SPATA17: variants seen among roughly 807,000 people sequenced by gnomAD.
SPATA17 encodes spermatogenesis-associated protein 17.
Under a neutral mutation model 62.2 loss-of-function variants are expected in SPATA17, and 53 were observed. The ratio of observed to expected loss-of-function variants is 0.85; its 90% confidence interval spans 0.68 to 1.07. The LOEUF (loss-of-function observed/expected upper bound fraction) is 1.07, where lower values mean the gene tolerates loss of function less well. SPATA17 is among the 50% of genes least tolerant of loss of function. The pLI, the probability that SPATA17 is intolerant of heterozygous loss-of-function variation, is 0.00. For synonymous variants in SPATA17, 146 were observed against 146.8 expected, an observed-to-expected ratio of 0.99 and a Z score of 0.04; for missense variants, 466 against 425.5, an observed-to-expected ratio of 1.10 and a Z score of -0.84.
At chr1:217,683,735 C>T (rs112316968) in intron 5 of SPATA17, among the ~76,000 whole-genome samples, 9 of 151,930 alleles carry the variant, frequency 5.9e-5, no homozygotes, top group African/African-American at 2.2e-4. Flanking sequence ...CCACTGCACC[C>T]GGCTAAAAAT....
chr1:217,830,843 A>G (rs1001538722), intron 9 of SPATA17, among the ~76,000 whole-genome samples: 3 of 152,194 alleles, frequency 2.0e-5, no homozygotes, highest in African/African-American at 7.2e-5. Context: ...ATCTGTTTAC[A>G]AGTTAAAAGG....
intron 6 of SPATA17, among the ~76,000 whole-genome samples, chr1:217,765,108 T>C (rs1284187798): frequency 6.6e-6 from 1 of 152,062 alleles, no homozygotes; most frequent in Non-Finnish European, 1.5e-5. Flanking sequence ...ATGAGATCTG[T>C]AGTAATGTCT....
intron 6 of SPATA17, among the ~76,000 whole-genome samples, chr1:217,744,591 C>T (rs114519427): frequency 0.011 from 1,638 of 151,930 alleles, 23 homozygotes; most frequent in African/African-American, 0.038. Context: ...TACAAGCTGT[C>T]AATGCATTTT....
chr1:217,817,957 C>G (rs1044512829), intron 9 of SPATA17, among the ~76,000 whole-genome samples: 2 of 151,698 alleles, frequency 1.3e-5, no homozygotes, highest in Admixed American at 1.3e-4. Flanking sequence ...TGGTACAGTC[C>G]CCAGTCATTA....
intron 5 of SPATA17, among the ~76,000 whole-genome samples, chr1:217,717,001 G>T (rs1458072161): frequency 6.6e-6 from 1 of 152,180 alleles, no homozygotes; most frequent in Non-Finnish European, 1.5e-5. Context: ...CTAGAGGTTG[G>T]AACTCAGTCT....
intron 7 of SPATA17, chr1:217,781,127 G>A (rs909083515): frequency 5.9e-5 from 9 of 151,982 alleles, no homozygotes; most frequent in African/African-American, 1.7e-4. Flanking sequence ...TGTTATTTAC[G>A]GTCCATGACT....
chr1:217,775,875 C>A (rs1673579525), intron 7 of SPATA17, among the ~76,000 whole-genome samples: 1 of 151,868 alleles, frequency 6.6e-6, no homozygotes, highest in Admixed American at 6.6e-5. Flanking sequence ...GGCATTAAAT[C>A]TTGTTATATT....
intron 9 of SPATA17, among the ~76,000 whole-genome samples, chr1:217,844,267 A>T (rs1337904075): frequency 6.6e-6 from 1 of 152,092 alleles, no homozygotes; most frequent in Non-Finnish European, 1.5e-5. Context: ...AGCAGTAAGC[A>T]AGGTTTCTCT....
chr1:217,828,220 A>G (rs1675046470), intron 9 of SPATA17, among the ~76,000 whole-genome samples: 1 of 152,120 alleles, frequency 6.6e-6, no homozygotes, highest in South Asian at 2.1e-4. Flanking sequence ...GTACTAGCAT[A>G]AAAACAGAAA....
At chr1:217,717,554 T>G (rs1031829468) in intron 5 of SPATA17, among the ~76,000 whole-genome samples, 1 of 152,104 alleles carries the variant, frequency 6.6e-6, no homozygotes, top group Non-Finnish European at 1.5e-5. Context: ...GAGGTTGCGG[T>G]GTTCTGATAT....
intron 5 of SPATA17, among the ~76,000 whole-genome samples, chr1:217,683,653 G>A (rs1187513443): frequency 1.3e-5 from 2 of 152,040 alleles, no homozygotes; most frequent in Admixed American, 6.6e-5. Flanking sequence ...TATTGGCCAG[G>A]CTGGTCTCGA....
chr1:217,697,655 T>A (rs555335542), intron 5 of SPATA17, among the ~76,000 whole-genome samples: 4 of 152,152 alleles, frequency 2.6e-5, no homozygotes, highest in African/African-American at 7.2e-5. Context: ...TCTTTAATAG[T>A]TAAGATTTTT....
At chr1:217,741,267 A>G (rs924432843) in intron 5 of SPATA17, among the ~76,000 whole-genome samples, 2 of 152,154 alleles carry the variant, frequency 1.3e-5, no homozygotes, top group African/African-American at 4.8e-5. Flanking sequence ...AGATGTTTTC[A>G]CATAGTATAC....
chr1:217,787,894 T>C lies in SPATA17; in HGVS notation c.872+5572T>C, dbSNP rs74926540. On this transcript the variant is annotated intron_variant, in intron 8 of 10. Transcript: ENST00000366933. ...TTATATATACTGTACTTCTTATTTA[T>C]GGGATATGGTGATCACAGAGAATTT... 3.3e-3 allele frequency among the ~76,000 whole-genome samples: 508 copies of C among 152,336 alleles called. 15 individuals carry two copies. In the East Asian group the frequency reaches 0.06, roughly 18 times the overall value.
At chr1:217,679,524 C>T (rs1050673515) in intron 4 of SPATA17, among the ~76,000 whole-genome samples, 3 of 152,212 alleles carry the variant, frequency 2.0e-5, no homozygotes, top group African/African-American at 7.2e-5. Flanking sequence ...TTTACCCACT[C>T]ATCTCTAAGA....
intron 9 of SPATA17, among the ~76,000 whole-genome samples, chr1:217,802,361 G>A (rs144752414): frequency 3.3e-5 from 5 of 152,252 alleles, no homozygotes; most frequent in South Asian, 2.1e-4. Context: ...GGTACAGCAC[G>A]TATATGTGGC....
intron 9 of SPATA17, among the ~76,000 whole-genome samples, chr1:217,850,896 A>T (rs998138800): frequency 3.3e-5 from 5 of 152,154 alleles, no homozygotes; most frequent in African/African-American, 7.2e-5. Context: ...AAACAAAAAA[A>T]ATATAAAAGG....
intron 3 of SPATA17, among the ~76,000 whole-genome samples, chr1:217,654,282 G>C (rs1467741739): frequency 6.6e-6 from 1 of 151,344 alleles, no homozygotes; most frequent in Admixed American, 6.6e-5. Context: ...GAATTACAGG[G>C]ACCTGCCATC....
intron 3 of SPATA17, among the ~76,000 whole-genome samples, chr1:217,663,147 A>T (rs1227243736): frequency 1.3e-5 from 2 of 152,132 alleles, no homozygotes; most frequent in Non-Finnish European, 2.9e-5. Context: ...ATGATATTTT[A>T]AAAATGAACT....
Sources: gnomAD v4.1 joint callset for allele counts (sites outside exome capture counted in the v4.1 genomes callset) on GRCh38, gnomAD v4.1.1 for gene constraint, MANE v1.5 for transcripts, NCBI Gene and HGNC (gene_info 2026-07-23, HGNC 2026-07-21) for gene names.